Variants in APC observed in about 807,000 individuals in gnomAD.
APC encodes APC regulator of Wnt signaling pathway.
A neutral mutation model predicts 247.0 loss-of-function variants in APC; 72 were observed. The ratio of observed to expected loss-of-function variants is 0.29; its 90% CI spans 0.24 to 0.35. The LOEUF (loss-of-function observed/expected upper bound fraction) is 0.35, where lower values mean the gene tolerates loss of function less well. Ranked by LOEUF, APC falls within the 10% of genes least tolerant of loss-of-function variation. The pLI is 1.00. For synonymous variants in APC, 1,254 were observed against 1,162.5 expected, an observed-to-expected ratio of 1.08 and a Z score of -1.60; for missense variants, 3,400 against 3,360.7, an observed-to-expected ratio of 1.01 and a Z score of -0.29.
chr5:112,775,763 T>C (rs1757579292), intron 5 of APC, 26 bp downstream of exon 5: 1 of 1,256,110 alleles, frequency 8.0e-7, no homozygotes, highest in Non-Finnish European at 1.1e-6. Context: ...GTACAACTTA[T>C]TTGAAACTTT....
intron 8 of APC, chr5:112,810,197 A>G (rs1350339107): frequency 2.2e-6 from 1 of 454,794 alleles, no homozygotes; most frequent in East Asian, 7.0e-5. Flanking sequence ...GATCCCTAAG[A>G]TCAAAGAGAA....
intron 1 of APC, among the ~76,000 whole-genome samples, chr5:112,746,052 A>G (rs1753635929): frequency 6.6e-6 from 1 of 152,212 alleles, no homozygotes; most frequent in Non-Finnish European, 1.5e-5. Context: ...CAAACAGAAC[A>G]TCAGTGAGAA....
Position 112,839,676 on chromosome 5 carries a change from C to T in APC, c.4082C>T (p.Pro1361Leu), listed in dbSNP as rs1060503264. Residue 1361 changes from proline to leucine, a missense_variant, in exon 16 of 16, where the codon CCC becomes CTC. By Grantham distance (98) the Pro-to-Leu change is moderately conservative. Coordinates refer to ENST00000257430, the MANE Select transcript of APC (RefSeq NM_000038.6). The surrounding 1 kb of genome is among the most constrained non-coding windows in gnomAD (Gnocchi z 5.0). ...GAATTTTCTTCAGGAGCGAAATCTC[C>T]CTCCAAAAGTGGTGCTCAGACACCC... is the stretch of plus-strand genomic sequence containing the variant. Reference protein sequence around the residue: ...AVEFSSGAKSPSKSGAQTPKS... With the variant: ...AVEFSSGAKSLSKSGAQTPKS... The T allele has an allele frequency of 1.9e-6, 3 of 1,614,060 alleles. No individual in the cohort carries two copies. Among genetic ancestry groups the T allele is most frequent in the Middle Eastern group, 1.7e-4 (1 of 6,060 alleles).
At chr5:112,835,248 A>G (rs1764759655) in intron 15 of APC, 83 bp downstream of exon 15, 1 of 1,269,346 alleles carries the variant, frequency 7.9e-7, no homozygotes, top group Non-Finnish European at 1.1e-6. Flanking sequence ...GTTTTATATA[A>G]TCATGAAAGT....
At position 112,743,129 on chromosome 5, in the gene APC, CCT is replaced by C. The variant is rs149943982; in HGVS notation, c.-19+5207_-19+5208del. ...GCTTCTTGCATTCCTTGTCTCATGG[CCT>C]CTTTCTCCATCTTCAGTGCCAGCAG... On this transcript the variant is annotated intron_variant, in intron 1 of 15. Coordinates refer to ENST00000257430, the MANE Select transcript of APC (RefSeq NM_000038.6). Among the ~76,000 whole-genome samples the C allele has an allele frequency of 7.8e-3, 1,195 of 152,278 alleles. 13 individuals are homozygous for C. The highest frequency in any genetic ancestry group is 0.027 in the African/African-American group (1,115 of 41,542).
chr5:112,836,186 G>A (rs200225735), intron 15 of APC, among the ~76,000 whole-genome samples: 3,333 of 28,942 alleles, frequency 0.12, 161 homozygotes, highest in African/African-American at 0.26. Flanking sequence ...CCCCGCCACC[G>A]TGCCCGGCTA....
chr5:112,842,113 A>G lies in APC; in HGVS notation c.6519A>G (p.Lys2173=), dbSNP rs1483070589. 1 of 1,611,546 alleles carries G rather than the reference A, an allele frequency of 6.2e-7. No homozygotes were observed. Among genetic ancestry groups the G allele is most frequent in the Admixed American group, 1.7e-5 (1 of 59,798 alleles). The change falls in exon 16 of 16, where the codon AAA becomes AAG. Residue 2173 remains lysine (K), a synonymous_variant. Transcript: ENST00000257430. ...CACGAATTCTAAAACCAGGGGAGAA[A>G]AGTACATTGGAAACTAAAAAGATAG... ...KGPRILKPGE[K]STLETKKIES... is the part of the protein sequence containing the mutation.
At chr5:112,717,012 G>A (rs1751211465) in intron 1 of APC, among the ~76,000 whole-genome samples, 2 of 151,884 alleles carry the variant, frequency 1.3e-5, no homozygotes, top group South Asian at 4.2e-4. Flanking sequence ...TTGTTTGTTT[G>A]TTGTTGTTGT....
intron 11 of APC, among the ~76,000 whole-genome samples, chr5:112,825,546 C>A (rs1763560512): frequency 6.6e-6 from 1 of 152,112 alleles, no homozygotes; most frequent in Admixed American, 6.6e-5. Flanking sequence ...TCCTGCCCCA[C>A]CCTTGTTAGA....
At chr5:112,821,504 GT>G (rs149267955) in intron 10 of APC, among the ~76,000 whole-genome samples, 2 of 145,492 alleles carry the variant, frequency 1.4e-5, no homozygotes, top group Admixed American at 6.9e-5. Context: ...ACCCTGTTTT[GT>G]TTTTTTTTTG....
At chr5:112,733,067 TAA>T (rs1236488524), upstream of APC, among the ~76,000 whole-genome samples, 2 of 152,244 alleles carry the variant, frequency 1.3e-5, no homozygotes, top group East Asian at 3.8e-4. Context: ...AACTTGAACC[TAA>T]GTCTTCAATC....
intron 1 of APC, among the ~76,000 whole-genome samples, chr5:112,726,049 G>A (rs1581036803): frequency 6.6e-6 from 1 of 152,162 alleles, no homozygotes. Context: ...CCCCTTATGG[G>A]AGGGGGAGCA....
chr5:112,823,731 G>A (rs576204699), intron 11 of APC, among the ~76,000 whole-genome samples: 54 of 152,234 alleles, frequency 3.5e-4, no homozygotes, highest in Admixed American at 1.3e-3. Context: ...ACTGTGCTAG[G>A]CACTAGATTT....
chr5:112,791,745 A>G (rs1402817522), intron 6 of APC, among the ~76,000 whole-genome samples: 1 of 152,224 alleles, frequency 6.6e-6, no homozygotes, highest in Non-Finnish European at 1.5e-5. Flanking sequence ...ATTATATTGT[A>G]TTAATGTCTC....
chr5:112,801,730 A>G (rs929943929), intron 8 of APC, among the ~76,000 whole-genome samples: 3 of 152,080 alleles, frequency 2.0e-5, no homozygotes, highest in African/African-American at 4.8e-5. Flanking sequence ...CTCTTTCACT[A>G]AGACCTTCAA....
At chr5:112,809,015 A>C (rs750282432) in intron 8 of APC, among the ~76,000 whole-genome samples, 4 of 152,128 alleles carry the variant, frequency 2.6e-5, no homozygotes, top group African/African-American at 7.2e-5. Context: ...AGTTTTGGAA[A>C]AATGTTAAGT....
chr5:112,708,310 C>T (rs1020830027), intron 1 of APC, among the ~76,000 whole-genome samples: 1 of 152,206 alleles, frequency 6.6e-6, no homozygotes, highest in Non-Finnish European at 1.5e-5. Flanking sequence ...AAAGAAAGGG[C>T]TGTTATCCAA....
intron 7 of APC, among the ~76,000 whole-genome samples, chr5:112,797,479 C>T (rs1760333643): frequency 6.6e-6 from 1 of 152,130 alleles, no homozygotes; most frequent in Non-Finnish European, 1.5e-5. Flanking sequence ...TGTATTATAA[C>T]TCTGGTTTAA....
In APC at chr5:112,846,034, GTAAA is replaced by G. The variant is rs1766962857; in HGVS notation, c.*1913_*1916del. The G allele has an allele frequency of 4.3e-6, 1 of 231,996 alleles. No individual in the cohort carries two copies. Among genetic ancestry groups the G allele is most frequent in the East Asian group, 6.1e-5 (1 of 16,360 alleles). The allele number at this position is 231,996 out of a possible 1,614,324, so 14.4% of individuals were successfully genotyped here. On this transcript the variant is annotated 3_prime_UTR_variant, in exon 16 of 16. Coordinates refer to ENST00000257430, the MANE Select transcript of APC (RefSeq NM_000038.6). ...GATTTTTTTTAAAGCTAAAATGCCA[GTAAA>G]TAAAAGTGCTATGACTTGAGCTAAG... is the stretch of plus-strand genomic sequence containing the variant.
Sources: allele counts gnomAD v4.1 joint callset (sites outside exome capture counted in the v4.1 genomes callset), GRCh38; gene constraint gnomAD v4.1.1; non-coding constraint Gnocchi (gnomAD v3.1); transcripts MANE v1.5; gene names NCBI Gene and HGNC (gene_info 2026-07-23, HGNC 2026-07-21).